MAEL: variants seen among roughly 807,000 people sequenced by gnomAD.
MAEL encodes the protein maelstrom spermatogenic transposon silencer.
A neutral mutation model predicts 62.0 loss-of-function variants in MAEL; 46 were observed. The observed-to-expected ratio is 0.74, with a 90% CI of 0.59 to 0.95. The LOEUF (loss-of-function observed/expected upper bound fraction) is 0.95. Among genes scored for constraint, MAEL ranks in the 40% least tolerant of loss-of-function variants. MAEL has a pLI of 0.00. For synonymous variants in MAEL, 172 were observed against 175.5 expected (o/e 0.98, Z 0.16); for missense variants, 497 against 526.8 (o/e 0.94, Z 0.55).
chr1:166,989,170 G>C, upstream of MAEL: 1 of 834,338 alleles, frequency 1.2e-6, no homozygotes, highest in Non-Finnish European at 1.8e-6. Context: ...GGCACGAGCC[G>C]GAATCTTCCA....
upstream of MAEL, among the ~76,000 whole-genome samples, chr1:166,987,158 C>T (rs997075733): frequency 6.6e-6 from 1 of 152,196 alleles, no homozygotes; most frequent in East Asian, 1.9e-4. Flanking sequence ...TTCTGACAAC[C>T]CAGAAGGTTC....
intron 4 of MAEL, 142 bp from the exon 5 acceptor site, chr1:166,993,886 C>A (rs1664295772): frequency 5.0e-6 from 3 of 599,906 alleles, no homozygotes; most frequent in African/African-American, 1.9e-5. Flanking sequence ...TAAAAATAAA[C>A]CCTATAAAAG....
At chr1:166,992,440 T>G (rs1664219308) in intron 3 of MAEL, among the ~76,000 whole-genome samples, 1 of 152,130 alleles carries the variant, frequency 6.6e-6, no homozygotes, top group African/African-American at 2.4e-5. Flanking sequence ...TGGCTGCAAG[T>G]TGGAATAATT....
chr1:166,986,571 G>A (rs908280929), upstream of MAEL, among the ~76,000 whole-genome samples: 1 of 152,090 alleles, frequency 6.6e-6, no homozygotes, highest in African/African-American at 2.4e-5. Context: ...AAAATTTATG[G>A]GTAACAGCAG....
chr1:167,018,929 G>A (rs1258031357), intron 10 of MAEL, among the ~76,000 whole-genome samples: 1 of 152,100 alleles, frequency 6.6e-6, no homozygotes, highest in African/African-American at 2.4e-5. Flanking sequence ...TGATTGTGGT[G>A]TTTACACAAT....
intron 8 of MAEL, among the ~76,000 whole-genome samples, chr1:167,006,878 C>T (rs1323926315): frequency 1.3e-5 from 2 of 151,702 alleles, no homozygotes; most frequent in Admixed American, 1.3e-4. Flanking sequence ...TCACGTGATC[C>T]ACCCGCCTCA....
intron 1 of MAEL, among the ~76,000 whole-genome samples, chr1:166,977,983 A>G (rs1220112021): frequency 6.6e-6 from 1 of 152,168 alleles, no homozygotes; most frequent in Non-Finnish European, 1.5e-5. Flanking sequence ...AAACTTGGAC[A>G]TATGAGCAAG....
chr1:166,990,008 C>T, intron 2 of MAEL, 179 bp downstream of exon 2: 6 of 597,938 alleles, frequency 1.0e-5, no homozygotes, highest in Non-Finnish European at 1.8e-5. Context: ...CCAACAGCCT[C>T]CACAACTAGG....
At chr1:166,985,513 T>C (rs1173675242), upstream of MAEL, among the ~76,000 whole-genome samples, 1 of 152,220 alleles carries the variant, frequency 6.6e-6, no homozygotes, top group African/African-American at 2.4e-5. Context: ...AAAGTGGAAT[T>C]TGGCTCCAAA....
chr1:166,979,070 T>A (rs997856149), intron 1 of MAEL, among the ~76,000 whole-genome samples: 1 of 152,154 alleles, frequency 6.6e-6, no homozygotes, highest in African/African-American at 2.4e-5. Context: ...TAGTTATAAA[T>A]ATAATGTAGC....
chr1:167,005,332 G>A lies in MAEL; in HGVS notation c.780G>A (p.Glu260=). The change falls in exon 8 of 12, where the codon GAG becomes GAA. Residue 260 remains glutamate, a synonymous_variant. Coordinates refer to ENST00000367872, the MANE Select transcript of MAEL (RefSeq NM_032858.3). ...TCTACCAACAAAAATTTCTCAAGGA[G>A]CCCTCTAAGACTTGGATTCGAAGCC... ...VGIYQQKFLK[E]PSKTWIRSLL... is the part of the protein sequence containing the mutation. 1 of 1,613,670 alleles carries A rather than the reference G, an allele frequency of 6.2e-7. No individual in the cohort carries two copies.
chr1:166,989,325 T>A lies in MAEL; in HGVS notation c.-28T>A, dbSNP rs765629046. 3 of 1,603,232 alleles carry A rather than the reference T, an allele frequency of 1.9e-6. No homozygotes were observed. Among genetic ancestry groups the A allele is most frequent in the South Asian group, 2.2e-5 (2 of 88,920 alleles). ...GAGGGCGCCGGTGCTTTGTTCTGTCTGAGGCCAGGAAGTTTGACCGCGCTG... is the reference window on the plus strand; with the variant it reads ...GAGGGCGCCGGTGCTTTGTTCTGTCAGAGGCCAGGAAGTTTGACCGCGCTG... On this transcript the variant is annotated 5_prime_UTR_variant, in exon 1 of 12. Coordinates refer to ENST00000367872, the MANE Select transcript of MAEL (RefSeq NM_032858.3).
At chr1:166,985,471 A>G (rs1053927984), upstream of MAEL, among the ~76,000 whole-genome samples, 10 of 152,266 alleles carry the variant, frequency 6.6e-5, no homozygotes, top group African/African-American at 1.9e-4. Flanking sequence ...GAATTCACAT[A>G]GGACTAGAAA....
chr1:167,021,795 T>G lies in MAEL; in HGVS notation c.1245T>G (p.Thr415=). 6.2e-7 allele frequency: 1 copy of G among 1,612,682 alleles called. No individual in the cohort carries two copies. The highest frequency in any genetic ancestry group is 8.5e-7 in the Non-Finnish European group (1 of 1,178,848). ...SNIHKFSNCD[T]SLSPYMSQKD... Reference sequence around the variant, plus strand: ...TCCACAAATTCTCCAACTGTGACACTTCACTCTCACCTTACATGTCCCAAA... The same window carrying G: ...TCCACAAATTCTCCAACTGTGACACGTCACTCTCACCTTACATGTCCCAAA... Residue 415 remains threonine, a synonymous_variant, in exon 12 of 12, where the codon ACT becomes ACG. Transcript: ENST00000367872.
Position 167,016,221 on chromosome 1 carries a change from G to A in MAEL, c.846-1G>A, listed in dbSNP as rs1372152245. ...ATATTAAAGTCCATTTTTTTGTACA[G>A]GTGCAAGTGGCATGAAGAAAATGAT... On this transcript the variant is annotated splice_acceptor_variant, in intron 8 of 11. Transcript: ENST00000367872. LOFTEE classifies it high-confidence loss of function. 4.3e-6 allele frequency: 7 copies of A among 1,613,394 alleles called. No homozygotes were observed. The highest frequency in any genetic ancestry group is 5.9e-6 in the Non-Finnish European group (7 of 1,179,570).
chr1:167,012,072 T>C (rs1216692259), intron 8 of MAEL, among the ~76,000 whole-genome samples: 1 of 152,188 alleles, frequency 6.6e-6, no homozygotes, highest in African/African-American at 2.4e-5. Context: ...CATAATAAGA[T>C]TCAAATGTAT....
intron 1 of MAEL, among the ~76,000 whole-genome samples, chr1:166,976,950 G>A (rs895582690): frequency 1.1e-4 from 16 of 152,180 alleles, no homozygotes; most frequent in South Asian, 2.1e-4. Context: ...ATGCAGGCCC[G>A]GGCCCCTGGC....
In MAEL at chr1:167,010,607, A is replaced by G. The variant is rs561566567; in HGVS notation, c.845+5210A>G. Among the ~76,000 whole-genome samples, 6 of 152,066 alleles carry G rather than the reference A, an allele frequency of 3.9e-5. No individual in the cohort carries two copies. In the East Asian group the frequency reaches 1.2e-3, roughly 29 times the overall value. On this transcript the variant is annotated intron_variant, in intron 8 of 11. Coordinates refer to ENST00000367872, the MANE Select transcript of MAEL (RefSeq NM_032858.3). ...ACTACAGGCATGTGCCACCATGCGT[A>G]CCTAGTTATTTTTCATTTGTCGTGG...
chr1:167,012,468 A>G (rs1408747326), intron 8 of MAEL: 4 of 152,208 alleles, frequency 2.6e-5, no homozygotes, highest in Non-Finnish European at 5.9e-5. Flanking sequence ...TTAATCAACA[A>G]ATATTTATTG....
Sources: gnomAD v4.1 joint callset for allele counts (sites outside exome capture counted in the v4.1 genomes callset) on GRCh38, gnomAD v4.1.1 for gene constraint, MANE v1.5 for transcripts, NCBI Gene and HGNC (gene_info 2026-07-23, HGNC 2026-07-21) for gene names.